The following ALCAM variants were observed in gnomAD, a reference collection of about 807,000 sequenced individuals.
The protein encoded by ALCAM is CD166 antigen.
A neutral mutation model predicts 70.9 loss-of-function variants in ALCAM; 30 were observed. The observed-to-expected ratio is 0.42, with a 90% confidence interval of 0.32 to 0.57. The LOEUF is 0.57. Ranked by LOEUF, ALCAM falls within the 20% of genes least tolerant of loss-of-function variation. ALCAM has a pLI of 0.11. For synonymous variants in ALCAM, 249 were observed against 242.5 expected (o/e 1.03, Z -0.25); for missense variants, 591 against 695.1 (o/e 0.85, Z 1.68).
At chr3:105,389,434 T>C (rs889674817) in intron 1 of ALCAM, among the ~76,000 whole-genome samples, 1 of 142,990 alleles carries the variant, frequency 7.0e-6, no homozygotes, top group Admixed American at 7.4e-5. Context: ...AATGGGCTTC[T>C]CTGAAAGGGA....
At chr3:105,546,389 T>G (rs984960547) in intron 9 of ALCAM, among the ~76,000 whole-genome samples, 2 of 151,476 alleles carry the variant, frequency 1.3e-5, no homozygotes, top group African/African-American at 2.4e-5. Flanking sequence ...CCTCTGCTAC[T>G]TGTTGTCTTA....
intron 1 of ALCAM, among the ~76,000 whole-genome samples, chr3:105,389,473 CCTT>C (rs1935755139): frequency 1.5e-5 from 2 of 136,042 alleles, no homozygotes; most frequent in African/African-American, 2.7e-5. Flanking sequence ...AGGAGGGAAG[CCTT>C]CTTATTTTTT....
chr3:105,517,124 A>G lies in ALCAM; in HGVS notation c.74-2943A>G, dbSNP rs192148648. On this transcript the variant is annotated intron_variant, in intron 1 of 15. Transcript: ENST00000306107. ...GGACGTAATTTATCACCAAATCACC[A>G]TGGTCTTTGTAGCGACTTTATCCCT... 2.9e-3 allele frequency among the ~76,000 whole-genome samples: 434 copies of G among 152,160 alleles called. 3 individuals carry two copies. The highest frequency in any genetic ancestry group is 3.4e-3 in the Middle Eastern group (1 of 294).
intron 1 of ALCAM, among the ~76,000 whole-genome samples, chr3:105,399,245 A>G (rs1936027148): frequency 6.6e-6 from 1 of 152,150 alleles, no homozygotes; most frequent in Non-Finnish European, 1.5e-5. Context: ...AGCAAATTTC[A>G]GTAAATATTT....
intron 1 of ALCAM, among the ~76,000 whole-genome samples, chr3:105,420,340 T>C (rs1012999548): frequency 6.6e-6 from 1 of 151,680 alleles, no homozygotes; most frequent in African/African-American, 2.4e-5. Flanking sequence ...ATGTAGGCAC[T>C]GAACACATTT....
intron 1 of ALCAM, among the ~76,000 whole-genome samples, chr3:105,420,668 A>G (rs963755640): frequency 4.0e-5 from 6 of 151,694 alleles, no homozygotes; most frequent in South Asian, 2.1e-4. Context: ...AAAGTCTACC[A>G]TGTTCCAGGC....
At chr3:105,541,516 A>T in intron 7 of ALCAM, 117 bp from the exon 8 acceptor site, 1 of 1,117,862 alleles carries the variant, frequency 8.9e-7, no homozygotes, top group African/African-American at 1.6e-5. Context: ...TGTGTGATCA[A>T]TGAAACACAT....
intron 1 of ALCAM, among the ~76,000 whole-genome samples, chr3:105,446,306 T>C (rs1937295968): frequency 6.6e-6 from 1 of 152,048 alleles, no homozygotes; most frequent in South Asian, 2.1e-4. Flanking sequence ...ATGACTGTTA[T>C]CACAAAGACA....
chr3:105,450,436 C>G (rs1156811019), intron 1 of ALCAM, among the ~76,000 whole-genome samples: 1 of 152,160 alleles, frequency 6.6e-6, no homozygotes, highest in East Asian at 1.9e-4. Context: ...CACTACCTCA[C>G]ATACACACAC....
rs1940067433 is a variant in ALCAM, at chr3:105,539,675, G to A, written c.731-300G>A. Among the ~76,000 whole-genome samples, 3 of 151,976 alleles carry A rather than the reference G, an allele frequency of 2.0e-5. No homozygotes were observed. The East Asian group carries it at 5.8e-4, about 29-fold the overall frequency. ...TCCCTATCATAAAGCCATGCAGTTT[G>A]ATTGTTCCTATGGTCTTTTATACAT... On this transcript the variant is annotated intron_variant, in intron 6 of 15. Coordinates refer to ENST00000306107, the MANE Select transcript of ALCAM (RefSeq NM_001627.4).
intron 14 of ALCAM, among the ~76,000 whole-genome samples, chr3:105,563,048 C>T (rs542466729): frequency 1.5e-3 from 223 of 151,954 alleles, no homozygotes; most frequent in African/African-American, 3.9e-3. Flanking sequence ...TCAGGTGATC[C>T]GCCCTCCTTG....
chr3:105,482,457 C>CT (rs1938299915), intron 1 of ALCAM, among the ~76,000 whole-genome samples: 1 of 151,936 alleles, frequency 6.6e-6, no homozygotes, highest in African/African-American at 2.4e-5. Flanking sequence ...CAAGTAAGAG[C>CT]TTTTTTTGTT....
At chr3:105,444,455 A>C (rs746503303) in intron 1 of ALCAM, among the ~76,000 whole-genome samples, 1 of 152,084 alleles carries the variant, frequency 6.6e-6, no homozygotes, top group Non-Finnish European at 1.5e-5. Context: ...CACCCCCATG[A>C]TACAATCACT....
intron 1 of ALCAM, among the ~76,000 whole-genome samples, chr3:105,393,314 A>G (rs1318914735): frequency 1.3e-5 from 2 of 151,840 alleles, no homozygotes; most frequent in South Asian, 4.1e-4. Context: ...CTACTAAAAA[A>G]AAAATCACCC....
chr3:105,542,284 C>G (rs1940135837), intron 8 of ALCAM, among the ~76,000 whole-genome samples: 1 of 151,778 alleles, frequency 6.6e-6, no homozygotes, highest in South Asian at 2.1e-4. Context: ...TTTCTGGAAA[C>G]AGAACCTCTT....
intron 1 of ALCAM, among the ~76,000 whole-genome samples, chr3:105,480,551 A>G (rs903461019): frequency 6.6e-5 from 10 of 152,148 alleles, no homozygotes; most frequent in African/African-American, 2.2e-4. Flanking sequence ...GACTCAACAG[A>G]AAATCATAGT....
intron 3 of ALCAM, chr3:105,525,163 A>C: frequency 1.0e-6 from 1 of 984,072 alleles, no homozygotes; most frequent in Admixed American, 6.2e-5. Flanking sequence ...AAAATTAAAA[A>C]AACTCACTAT....
chr3:105,529,226 C>G (rs1559823204), intron 3 of ALCAM, among the ~76,000 whole-genome samples: 1 of 152,200 alleles, frequency 6.6e-6, no homozygotes. Flanking sequence ...TTTAGAGAAA[C>G]TTAGCCAAGA....
At chr3:105,414,263 GA>G (rs1936456716) in intron 1 of ALCAM, among the ~76,000 whole-genome samples, 1 of 148,708 alleles carries the variant, frequency 6.7e-6, no homozygotes, top group African/African-American at 2.5e-5. Flanking sequence ...AAAAAATGCA[GA>G]AATTAGCCAG....
Sources: gnomAD v4.1 joint callset for allele counts (sites outside exome capture counted in the v4.1 genomes callset) on GRCh38, gnomAD v4.1.1 for gene constraint, MANE v1.5 for transcripts, NCBI Gene and HGNC (gene_info 2026-07-23, HGNC 2026-07-21) for gene names.